Variants in SV2C observed in about 807,000 individuals in gnomAD.
SV2C encodes solute carrier family 22 member B3.
In SV2C, 49 loss-of-function variants were observed where a neutral mutation model predicts 79.7. The ratio of observed to expected loss-of-function variants is 0.61; its 90% CI spans 0.49 to 0.78. The LOEUF (loss-of-function observed/expected upper bound fraction) is 0.78, where lower values mean the gene tolerates loss of function less well. SV2C is among the 30% of genes least tolerant of loss of function. The probability of loss-of-function intolerance (pLI) is 0.00; values close to 1 mark genes in which losing one functional copy is unlikely to be tolerated. For missense variants in SV2C, 833 were observed against 912.9 expected, an observed-to-expected ratio of 0.91 and a Z score of 1.13; for synonymous variants, 334 against 333.2, an observed-to-expected ratio of 1.00 and a Z score of -0.03.
chr5:75,911,663 C>T, the SV2C span: 21 of 696,958 alleles, frequency 3.0e-5, no homozygotes, highest in Non-Finnish European at 5.2e-5. Context: ...GAACTTTGCA[C>T]TTTTCCCACC....
intron 2 of SV2C, among the ~76,000 whole-genome samples, chr5:76,134,116 T>C (rs1748990887): frequency 6.6e-6 from 1 of 152,090 alleles, no homozygotes; most frequent in African/African-American, 2.4e-5. Flanking sequence ...GAAACCCTGG[T>C]GATGTTACCC....
chr5:75,999,375 A>AGAG, the SV2C span, among the ~76,000 whole-genome samples: 8 of 134,808 alleles, frequency 5.9e-5, no homozygotes, highest in South Asian at 1.1e-3. Flanking sequence ...GGGAGGGAGA[A>AGAG]AGAGAGAGAG....
chr5:76,069,737 G>T, the SV2C span, among the ~76,000 whole-genome samples: 5,022 of 151,852 alleles, frequency 0.033, 268 homozygotes, highest in African/African-American at 0.11. Flanking sequence ...TTTCTTTTGG[G>T]GATTGTCTTT....
chr5:75,907,378 G>A, the SV2C span, among the ~76,000 whole-genome samples: 2 of 152,186 alleles, frequency 1.3e-5, no homozygotes, highest in African/African-American at 4.8e-5. Context: ...TTTATTGGAG[G>A]TCTTGTCTGT....
the SV2C span, among the ~76,000 whole-genome samples, chr5:76,067,647 T>C: frequency 2.6e-5 from 4 of 152,062 alleles, no homozygotes; most frequent in Admixed American, 2.0e-4. Context: ...TTTAAGATGT[T>C]GTATGTTGTT....
chr5:75,972,697 G>A, the SV2C span, among the ~76,000 whole-genome samples: 44 of 152,122 alleles, frequency 2.9e-4, no homozygotes, highest in African/African-American at 9.2e-4. Flanking sequence ...GAGAGAATGT[G>A]GAGAAACAGG....
At chr5:75,910,583 G>A in the SV2C span, 14 of 708,084 alleles carry the variant, frequency 2.0e-5, no homozygotes, top group Middle Eastern at 2.4e-3. Flanking sequence ...TGAGATTGAG[G>A]AGAGAATTGC....
intron 9 of SV2C, among the ~76,000 whole-genome samples, chr5:76,298,344 C>T: frequency 6.6e-6 from 1 of 152,026 alleles, no homozygotes; most frequent in East Asian, 1.9e-4. Context: ...GGATTTTCAG[C>T]TAGGGAAAAA....
At chr5:75,991,155 A>G in the SV2C span, among the ~76,000 whole-genome samples, 4 of 152,114 alleles carry the variant, frequency 2.6e-5, no homozygotes, top group East Asian at 7.8e-4. Context: ...ATTTAACAGT[A>G]TGTTGTTTAA....
the SV2C span, among the ~76,000 whole-genome samples, chr5:75,925,901 T>C: frequency 6.6e-6 from 1 of 152,274 alleles, no homozygotes; most frequent in African/African-American, 2.4e-5. Flanking sequence ...AACAAGTTAA[T>C]CTTAGGTTTC....
intron 1 of SV2C, among the ~76,000 whole-genome samples, chr5:76,115,492 G>A (rs1022903891): frequency 1.3e-5 from 2 of 152,172 alleles, no homozygotes; most frequent in Non-Finnish European, 2.9e-5. Flanking sequence ...CTCTTTGACT[G>A]CTCTGTCTGC....
At chr5:76,279,433 C>A (rs1388599012) in intron 4 of SV2C, among the ~76,000 whole-genome samples, 1 of 152,030 alleles carries the variant, frequency 6.6e-6, no homozygotes, top group Non-Finnish European at 1.5e-5. Context: ...GTCAGAGGAG[C>A]CAGCTAAGGA....
intron 1 of SV2C, among the ~76,000 whole-genome samples, chr5:76,094,278 A>T (rs935792474): frequency 1.3e-5 from 2 of 152,166 alleles, no homozygotes; most frequent in Non-Finnish European, 2.9e-5. Context: ...TGTAGCCAAA[A>T]GCATATCTCC....
Position 76,333,002 on chromosome 5 carries a change from T to A in SV2C, c.*7455T>A, listed in dbSNP as rs1173287646. 6.6e-6 allele frequency: 1 copy of A among 152,240 alleles called. No homozygotes were observed. The highest frequency in any genetic ancestry group is 1.5e-5 in the Non-Finnish European group (1 of 68,040). 9.4% of individuals were successfully genotyped at this position (152,240 alleles called of 1,614,324 possible). A position where few individuals can be genotyped will look rare whatever the true frequency, so the allele number is the denominator to read the frequency against. ...ACCCAGTACAGAGAATCCACTGTTA[T>A]CTATGGGTGTCATTCCTTCAGAAAG... On this transcript the variant is annotated 3_prime_UTR_variant, in exon 13 of 13. Transcript: ENST00000502798.
chr5:75,885,856 C>T, the SV2C span, among the ~76,000 whole-genome samples: 1 of 152,096 alleles, frequency 6.6e-6, no homozygotes, highest in Admixed American at 6.6e-5. Flanking sequence ...ATTTGCATGT[C>T]CCAAATCAAT....
At chr5:76,050,475 A>G in the SV2C span, among the ~76,000 whole-genome samples, 1 of 152,204 alleles carries the variant, frequency 6.6e-6, no homozygotes, top group African/African-American at 2.4e-5. Context: ...GGTAACAACA[A>G]GGTTCCCCCA....
the SV2C span, among the ~76,000 whole-genome samples, chr5:75,906,859 A>G: frequency 8.5e-3 from 1,301 of 152,268 alleles, 23 homozygotes; most frequent in African/African-American, 0.029. Context: ...GTCTAGAAAT[A>G]TTTTTGGTTG....
the SV2C span, among the ~76,000 whole-genome samples, chr5:76,036,940 G>A: frequency 3.9e-5 from 6 of 152,090 alleles, no homozygotes; most frequent in East Asian, 1.9e-4. Context: ...GGCTTTGCTC[G>A]TTTCTTTTTA....
At chr5:76,323,565 T>C (rs187086216) in intron 12 of SV2C, among the ~76,000 whole-genome samples, 229 of 152,344 alleles carry the variant, frequency 1.5e-3, no homozygotes, top group Middle Eastern at 6.8e-3. Context: ...TAAATCATTC[T>C]ACTATAAAGA....
Sources: allele counts gnomAD v4.1 joint callset (sites outside exome capture counted in the v4.1 genomes callset), GRCh38; gene constraint gnomAD v4.1.1; transcripts MANE v1.5; gene names NCBI Gene and HGNC (gene_info 2026-07-23, HGNC 2026-07-21).